Variants in LRPPRC observed in about 807,000 individuals in gnomAD.
LRPPRC encodes leucine-rich PPR motif-containing protein, mitochondrial.
Under a neutral mutation model 180.3 loss-of-function variants are expected in LRPPRC, and 120 were observed. The ratio of observed to expected loss-of-function variants is 0.67; its 90% CI spans 0.57 to 0.77. LRPPRC has a LOEUF of 0.77. LRPPRC is among the 30% of genes least tolerant of loss of function. LRPPRC has a pLI of 0.00. For synonymous variants in LRPPRC, 723 were observed against 600.0 expected, an observed-to-expected ratio of 1.21 and a Z score of -3.00; for missense variants, 2,012 against 1,657.2, an observed-to-expected ratio of 1.21 and a Z score of -3.72.
intron 29 of LRPPRC, among the ~76,000 whole-genome samples, chr2:43,914,411 T>A (rs1671367563): frequency 6.6e-6 from 1 of 152,024 alleles, no homozygotes; most frequent in South Asian, 2.1e-4. Context: ...TCCTGAGATA[T>A]ACAAAAAAAG....
At chr2:43,969,409 CAAA>C (rs58376536) in intron 11 of LRPPRC, among the ~76,000 whole-genome samples, 8 of 113,082 alleles carry the variant, frequency 7.1e-5, no homozygotes, top group African/African-American at 9.1e-5. Flanking sequence ...GACTCCATCT[CAAA>C]AAAAAAAAAA....
At chr2:43,956,558 A>G (rs1041771092) in intron 14 of LRPPRC, among the ~76,000 whole-genome samples, 4 of 148,858 alleles carry the variant, frequency 2.7e-5, no homozygotes, top group Non-Finnish European at 5.9e-5. Flanking sequence ...GAGAAAGTAG[A>G]CACGGCAAAA....
intron 23 of LRPPRC, among the ~76,000 whole-genome samples, chr2:43,943,258 T>A (rs561690959): frequency 6.6e-6 from 1 of 151,994 alleles, no homozygotes; most frequent in Non-Finnish European, 1.5e-5. Context: ...TTATCAAAGC[T>A]AGAATAACTG....
intron 34 of LRPPRC, among the ~76,000 whole-genome samples, chr2:43,897,077 G>A (rs1019594543): frequency 1.3e-5 from 2 of 152,104 alleles, no homozygotes; most frequent in African/African-American, 4.8e-5. Flanking sequence ...GGGATCATAA[G>A]GTTAATTATA....
chr2:43,892,445 G>C (rs565030855), intron 36 of LRPPRC, among the ~76,000 whole-genome samples: 143 of 152,252 alleles, frequency 9.4e-4, no homozygotes, highest in African/African-American at 3.3e-3. Flanking sequence ...AAAGCCTAGA[G>C]GACAGCATGG....
At chr2:43,904,969 TC>T (rs1671020483) in intron 31 of LRPPRC, among the ~76,000 whole-genome samples, 1 of 152,038 alleles carries the variant, frequency 6.6e-6, no homozygotes, top group South Asian at 2.1e-4. Flanking sequence ...CCTTGGGAGA[TC>T]ATTCATAAGA....
At chr2:43,977,440 G>C (rs1280483982) in intron 3 of LRPPRC, among the ~76,000 whole-genome samples, 164 bp from the exon 4 acceptor site, 1 of 152,160 alleles carries the variant, frequency 6.6e-6, no homozygotes, top group African/African-American at 2.4e-5. Context: ...GTCACACAGA[G>C]CAAGCTAAGC....
intron 14 of LRPPRC, among the ~76,000 whole-genome samples, chr2:43,951,081 A>T (rs1672885842): frequency 6.6e-6 from 1 of 152,212 alleles, no homozygotes; most frequent in African/African-American, 2.4e-5. Flanking sequence ...CTGCCCACAG[A>T]TTGCTTGTTA....
intron 30 of LRPPRC, among the ~76,000 whole-genome samples, chr2:43,911,214 G>A (rs1036194789): frequency 6.6e-6 from 1 of 151,244 alleles, no homozygotes; most frequent in Non-Finnish European, 1.5e-5. Flanking sequence ...GACACACAGA[G>A]TACATTAAAA....
At chr2:43,952,464 T>G (rs1672944232) in intron 14 of LRPPRC, among the ~76,000 whole-genome samples, 1 of 152,118 alleles carries the variant, frequency 6.6e-6, no homozygotes, top group Non-Finnish European at 1.5e-5. Flanking sequence ...GGCCCCAAAC[T>G]CCACTGAAAC....
At chr2:43,945,447 T>C (rs764845768) in intron 21 of LRPPRC, 30 bp from the exon 22 acceptor site, 174 of 1,313,904 alleles carry the variant, frequency 1.3e-4, no homozygotes, top group Non-Finnish European at 1.9e-4. Flanking sequence ...TTATATTGTT[T>C]TAAAAGTCAA....
upstream of LRPPRC, chr2:43,996,100 CG>C: frequency 1.6e-6 from 1 of 635,122 alleles, no homozygotes; most frequent in Non-Finnish European, 2.7e-6. Flanking sequence ...GATGGAAAAC[CG>C]CACTTCTCCG....
chr2:43,957,866 C>T (rs1013495693), intron 13 of LRPPRC, among the ~76,000 whole-genome samples: 1 of 152,082 alleles, frequency 6.6e-6, no homozygotes, highest in Non-Finnish European at 1.5e-5. Context: ...ATTCTTTTCT[C>T]GGAGAGGTGT....
At chr2:43,965,359 T>G (rs576228595) in intron 11 of LRPPRC, among the ~76,000 whole-genome samples, 1 of 152,244 alleles carries the variant, frequency 6.6e-6, no homozygotes, top group South Asian at 2.1e-4. Context: ...ACGCCCAGCC[T>G]GGACCCTTAT....
chr2:43,966,737 T>TA (rs1049296512), intron 11 of LRPPRC, among the ~76,000 whole-genome samples: 9 of 140,540 alleles, frequency 6.4e-5, no homozygotes, highest in Non-Finnish European at 1.1e-4. Flanking sequence ...GGTAACTAGC[T>TA]AAAAAAAAAT....
At chr2:43,925,034 A>T in intron 27 of LRPPRC, 33 bp downstream of exon 27, 1 of 1,208,212 alleles carries the variant, frequency 8.3e-7, no homozygotes, top group Non-Finnish European at 1.2e-6. Flanking sequence ...CAACAGAATA[A>T]ATGAAAGCGT....
chr2:43,976,709 TAA>T (rs113055483), intron 5 of LRPPRC, among the ~76,000 whole-genome samples: 2 of 134,818 alleles, frequency 1.5e-5, no homozygotes, highest in African/African-American at 2.8e-5. Context: ...AGGAAATATT[TAA>T]AAAAAAAAAA....
At position 43,934,757 on chromosome 2, in the gene LRPPRC, T is replaced by A; in HGVS notation, c.2626A>T (p.Lys876Ter). 6.2e-7 allele frequency: 1 copy of A among 1,612,862 alleles called. No individual in the cohort carries two copies. Among genetic ancestry groups the A allele is most frequent in the Non-Finnish European group, 8.5e-7 (1 of 1,178,948 alleles). Residue 876 changes from lysine (K) to a stop codon, truncating the protein, a stop_gained, in exon 24 of 38, where the codon AAA becomes TAA. Transcript: ENST00000260665. LOFTEE classifies it high-confidence loss of function. ...VEKGETDLIQ[K>*]AMDFVSQEQG... ...AAGATACTAGAAAGTGACTCACCTTTCTGAATTAGATCAGTCTCGCCTTTC... is the reference window on the plus strand; with the variant it reads ...AAGATACTAGAAAGTGACTCACCTTACTGAATTAGATCAGTCTCGCCTTTC...
intron 14 of LRPPRC, among the ~76,000 whole-genome samples, chr2:43,954,943 A>G (rs1175744437): frequency 2.6e-5 from 4 of 152,200 alleles, no homozygotes; most frequent in African/African-American, 9.7e-5. Flanking sequence ...AAACAAAACA[A>G]AGCAAAACTT....
Sources: gnomAD v4.1 joint callset for allele counts (sites outside exome capture counted in the v4.1 genomes callset) on GRCh38, gnomAD v4.1.1 for gene constraint, MANE v1.5 for transcripts, NCBI Gene and HGNC (gene_info 2026-07-23, HGNC 2026-07-21) for gene names.